PIK3C2G: variants seen among roughly 807,000 people sequenced by gnomAD.
PIK3C2G encodes phosphatidylinositol-4-phosphate 3-kinase catalytic subunit type 2 gamma, also known as phosphatidylinositol 3-kinase C2 domain-containing subunit gamma.
A neutral mutation model predicts 181.1 loss-of-function variants in PIK3C2G; 168 were observed. The observed-to-expected ratio is 0.93, with a 90% CI of 0.82 to 1.05. The LOEUF (loss-of-function observed/expected upper bound fraction) is 1.05, where lower values mean the gene tolerates loss of function less well. PIK3C2G is among the 50% of genes least tolerant of loss of function. The probability of loss-of-function intolerance (pLI) is 0.00; values close to 1 mark genes in which losing one functional copy is unlikely to be tolerated. For synonymous variants in PIK3C2G, 573 were observed against 592.2 expected, an observed-to-expected ratio of 0.97 and a Z score of 0.47; for missense variants, 1,869 against 1,732.8, an observed-to-expected ratio of 1.08 and a Z score of -1.40.
chr12:18,444,226 CCT>C, intron 18 of PIK3C2G, among the ~76,000 whole-genome samples: 1 of 152,250 alleles, frequency 6.6e-6, no homozygotes, highest in East Asian at 1.9e-4. Flanking sequence ...AACGGCCACC[CCT>C]GTCTTTACCT....
chr12:18,496,656 G>C (rs1215436364), intron 21 of PIK3C2G, among the ~76,000 whole-genome samples: 1 of 152,066 alleles, frequency 6.6e-6, no homozygotes, highest in Non-Finnish European at 1.5e-5. Context: ...GGTAGTAACA[G>C]GTTTATAAGC....
intron 1 of PIK3C2G, among the ~76,000 whole-genome samples, chr12:18,273,411 C>A (rs1948829772): frequency 1.3e-5 from 2 of 152,180 alleles, no homozygotes; most frequent in South Asian, 2.1e-4. Flanking sequence ...TAGCGTGATG[C>A]CCCCAGCTTT....
At chr12:18,506,607 C>G (rs562476896) in intron 24 of PIK3C2G, among the ~76,000 whole-genome samples, 203 of 152,082 alleles carry the variant, frequency 1.3e-3, no homozygotes, top group African/African-American at 4.7e-3. Flanking sequence ...AAGGATGATG[C>G]CTAGATTGTT....
chr12:18,424,732 A>T, intron 18 of PIK3C2G: 1 of 212,654 alleles, frequency 4.7e-6, no homozygotes. Context: ...GAGACTAACG[A>T]ATGCTAAAGG....
upstream of PIK3C2G, among the ~76,000 whole-genome samples, chr12:18,243,427 G>T (rs1948006049): frequency 6.6e-6 from 1 of 152,066 alleles, no homozygotes; most frequent in South Asian, 2.1e-4. Context: ...TCCCAGAAAG[G>T]TTAAATCATA....
At chr12:18,571,609 T>C (rs11044192) in intron 29 of PIK3C2G, among the ~76,000 whole-genome samples, 24,391 of 150,608 alleles carry the variant, frequency 0.16, 2,645 homozygotes, top group East Asian at 0.25. Context: ...GTCTCTCCTA[T>C]CTCTAACGAT....
intron 24 of PIK3C2G, among the ~76,000 whole-genome samples, chr12:18,521,010 G>T (rs1349852344): frequency 6.6e-6 from 1 of 151,986 alleles, no homozygotes; most frequent in Non-Finnish European, 1.5e-5. Flanking sequence ...CTCTTCTGTA[G>T]GGCTGCTGCA....
chr12:18,456,278 C>T (rs1175177515), intron 18 of PIK3C2G, among the ~76,000 whole-genome samples: 2 of 152,038 alleles, frequency 1.3e-5, no homozygotes, highest in African/African-American at 4.8e-5. Context: ...GATGCGGACA[C>T]ACAAGGGAGT....
the PIK3C2G span, chr12:18,693,564 G>A: frequency 1.4e-4 from 222 of 1,602,672 alleles, no homozygotes; most frequent in Non-Finnish European, 1.8e-4. Context: ...CTAGGTGATG[G>A]GCCCAAACTC....
chr12:18,383,554 C>A (rs887066834), intron 14 of PIK3C2G, among the ~76,000 whole-genome samples: 3 of 152,148 alleles, frequency 2.0e-5, no homozygotes, highest in Admixed American at 1.3e-4. Context: ...TAAAGGAATG[C>A]ACAATGCAAA....
intron 1 of PIK3C2G, among the ~76,000 whole-genome samples, chr12:18,277,147 AATCT>A (rs950663514): frequency 3.9e-5 from 6 of 152,104 alleles, no homozygotes; most frequent in African/African-American, 7.2e-5. Flanking sequence ...ATAAAAGATA[AATCT>A]ATCTATCTAT....
intron 25 of PIK3C2G, among the ~76,000 whole-genome samples, chr12:18,545,178 G>A (rs963642561): frequency 1.2e-4 from 18 of 151,760 alleles, no homozygotes; most frequent in Non-Finnish European, 1.9e-4. Flanking sequence ...TGTAATACTC[G>A]GTTCCAGAAA....
At chr12:18,642,589 GAACTCTGCA>G (rs1188300818) in intron 32 of PIK3C2G, among the ~76,000 whole-genome samples, 2 of 152,162 alleles carry the variant, frequency 1.3e-5, no homozygotes, top group African/African-American at 2.4e-5. Context: ...CCTCAGATGT[GAACTCTGCA>G]AACACTGTCA....
At chr12:18,319,324 T>C (rs1276597033) in intron 6 of PIK3C2G, among the ~76,000 whole-genome samples, 2 of 152,156 alleles carry the variant, frequency 1.3e-5, no homozygotes, top group African/African-American at 2.4e-5. Flanking sequence ...TAGATTTTTG[T>C]ATGAGAAAAA....
At chr12:18,558,544 G>A (rs74068095) in intron 26 of PIK3C2G, among the ~76,000 whole-genome samples, 9,776 of 152,156 alleles carry the variant, frequency 0.064, 1,068 homozygotes, top group African/African-American at 0.22. Flanking sequence ...GTGCCCTTTA[G>A]GTCTTTGATT....
At chr12:18,537,358 A>G (rs988921945) in intron 24 of PIK3C2G, among the ~76,000 whole-genome samples, 2 of 152,064 alleles carry the variant, frequency 1.3e-5, no homozygotes, top group African/African-American at 2.4e-5. Flanking sequence ...TTCTTATTCA[A>G]TGAGTGGTAA....
rs751755551 is a variant in PIK3C2G, at chr12:18,562,784, C to T, written c.3672C>T (p.Ser1224=). ...CACTTGCACAAATGTCAGCCATAAG[C>T]CCTGCCAAATCTACTTCACAGACTT... is the stretch of plus-strand genomic sequence containing the variant. ...IHTLAQMSAI[S]PAKSTSQTFP... is the part of the protein sequence containing the mutation. Residue 1224 remains serine, a synonymous_variant, in exon 27 of 33, where the codon AGC becomes AGT. Coordinates refer to ENST00000538779, the MANE Select transcript of PIK3C2G (RefSeq NM_001288772.2). 2 of 1,607,668 alleles carry T rather than the reference C, an allele frequency of 1.2e-6. No individual in the cohort carries two copies. The highest frequency in any genetic ancestry group is 2.2e-5 in the South Asian group (2 of 89,794).
chr12:18,492,756 T>G (rs927345672), intron 20 of PIK3C2G, among the ~76,000 whole-genome samples: 1 of 151,786 alleles, frequency 6.6e-6, no homozygotes, highest in African/African-American at 2.4e-5. Flanking sequence ...TTTGTTTTTG[T>G]TTTTTTTCAC....
chr12:18,516,540 T>C (rs1565468330), intron 24 of PIK3C2G, among the ~76,000 whole-genome samples: 1 of 152,100 alleles, frequency 6.6e-6, no homozygotes, highest in Non-Finnish European at 1.5e-5. Flanking sequence ...TTTTCAGACA[T>C]TATATCCTTA....
Sources: gnomAD v4.1 joint callset for allele counts (sites outside exome capture counted in the v4.1 genomes callset) on GRCh38, gnomAD v4.1.1 for gene constraint, MANE v1.5 for transcripts, NCBI Gene and HGNC (gene_info 2026-07-23, HGNC 2026-07-21) for gene names.